NBPF20: variants seen among roughly 807,000 people sequenced by gnomAD.
The protein encoded by NBPF20 is NBPF member 20, also known as NBPF family member NBPF20.
In NBPF20, 90 loss-of-function variants were observed where a neutral mutation model predicts 68.1. The observed-to-expected ratio is 1.32, with a 90% CI of 1.11 to 1.58. The LOEUF (loss-of-function observed/expected upper bound fraction) is 1.58, where lower values mean the gene tolerates loss of function less well. NBPF20 is among the 40% of genes most tolerant of loss of function. The pLI, the probability that NBPF20 is intolerant of heterozygous loss-of-function variation, is 0.00. For missense variants in NBPF20, 816 were observed against 601.2 expected (o/e 1.36, Z -3.74); for synonymous variants, 290 against 228.1 (o/e 1.27, Z -2.45).
intron 9 of NBPF20, chr1:145,393,612 T>C: frequency 1.4e-6 from 1 of 711,146 alleles, no homozygotes. Flanking sequence ...TCAATAATTT[T>C]GCATAAAATG....
upstream of NBPF20, among the ~76,000 whole-genome samples, chr1:145,407,487 CAT>C (rs1345347722): frequency 6.9e-6 from 1 of 144,128 alleles, no homozygotes; most frequent in African/African-American, 2.6e-5. Flanking sequence ...TATACAAACA[CAT>C]GAATATATAT....
At chr1:145,291,523 T>A in exon 138 of NBPF20, 3 of 1,612,034 alleles carry the variant, frequency 1.9e-6, no homozygotes, top group Non-Finnish European at 2.5e-6. Context: ...TAGTAAGGGC[T>A]GTTTATTGTG....
chr1:145,352,278 G>A (rs1661655008), intron 61 of NBPF20, among the ~76,000 whole-genome samples, 189 bp from the exon 67 acceptor site: 1 of 81,970 alleles, frequency 1.2e-5, no homozygotes, highest in African/African-American at 4.7e-5. Context: ...GAAAGAGAAA[G>A]ACAGATAGAC....
chr1:145,402,386 G>A lies in NBPF20; in HGVS notation c.279-5C>T. The A allele has an allele frequency of 1.9e-6, 3 of 1,602,646 alleles. No individual in the cohort carries two copies. The South Asian group carries it at 3.3e-5, about 18-fold the overall frequency. ...TGAACCAGGACTTTATATTGCCTAAGGTGAGACGGTAGAGAAAATTTAAGA... is the reference window on the plus strand; with the variant it reads ...TGAACCAGGACTTTATATTGCCTAAAGTGAGACGGTAGAGAAAATTTAAGA... On this transcript the variant is annotated splice_region_variant and splice_polypyrimidine_tract_variant and intron_variant, in intron 3 of 137. Coordinates refer to ENST00000369373, the Ensembl canonical transcript of NBPF20.
the NBPF20 span, among the ~76,000 whole-genome samples, chr1:145,411,108 A>G: frequency 6.8e-6 from 1 of 146,032 alleles, no homozygotes; most frequent in Non-Finnish European, 1.5e-5. Context: ...TTCTTTTATA[A>G]TATTGCTATT....
At chr1:145,417,791 C>T in the NBPF20 span, among the ~76,000 whole-genome samples, 8 of 142,572 alleles carry the variant, frequency 5.6e-5, no homozygotes, top group African/African-American at 7.8e-5. Context: ...AAACACAAAA[C>T]GGTGAACACA....
At chr1:145,291,924 G>C (rs1333648876) in intron 137 of NBPF20, among the ~76,000 whole-genome samples, 155 bp from the exon 143 acceptor site, 2 of 151,788 alleles carry the variant, frequency 1.3e-5, no homozygotes, top group African/African-American at 2.4e-5. Context: ...TATATGTTGG[G>C]ATAGAACAGG....
the NBPF20 span, among the ~76,000 whole-genome samples, chr1:145,425,200 C>G: frequency 6.6e-6 from 1 of 152,182 alleles, no homozygotes; most frequent in Non-Finnish European, 1.5e-5. Flanking sequence ...AACTTAAGCC[C>G]CGGCGGGGCC....
In NBPF20 at chr1:145,290,285, G is replaced by C. The variant is rs1287648269; in HGVS notation, c.*1241C>G. The C allele has an allele frequency of 4.7e-5, 7 of 149,038 alleles. 1 individual carries two copies. The highest frequency in any genetic ancestry group is 1.6e-4 in the African/African-American group (6 of 38,502). 9.2% of individuals were successfully genotyped at this position (149,038 alleles called of 1,614,324 possible). On this transcript the variant is annotated 3_prime_UTR_variant, in exon 138 of 138. Coordinates refer to ENST00000369373, the Ensembl canonical transcript of NBPF20. Reference sequence around the variant, plus strand: ...TTTCCCAAGTACTTCTTCATTATAAGTAAGGTGTCTCTAAAAGGGACAGAT... The same window carrying C: ...TTTCCCAAGTACTTCTTCATTATAACTAAGGTGTCTCTAAAAGGGACAGAT...
exon 138 of NBPF20, chr1:145,291,734 T>G (rs782282072): frequency 6.2e-7 from 1 of 1,611,956 alleles, no homozygotes; most frequent in Non-Finnish European, 8.5e-7. Context: ...CTGTAAGACT[T>G]CAGGCTCTTC....
At chr1:145,393,645 C>A in intron 9 of NBPF20, 1 of 1,048,974 alleles carries the variant, frequency 9.5e-7, no homozygotes, top group Admixed American at 2.6e-5. Context: ...CCTGCAGTTA[C>A]CATGAGAATA....
exon 137 of NBPF20, chr1:145,292,452 TCCC>T (rs1661187886): frequency 1.4e-6 from 1 of 717,454 alleles, no homozygotes; most frequent in Non-Finnish European, 2.5e-6. Context: ...TTGATCTTCT[TCCC>T]CTTCTTTTCT....
exon 2 of NBPF20, chr1:145,405,193 T>C: frequency 6.2e-7 from 1 of 1,612,772 alleles, no homozygotes; most frequent in Non-Finnish European, 8.5e-7. Flanking sequence ...CTCTGCCAAC[T>C]GGGGGCGCAA....
chr1:145,402,260 C>A (rs1331091705), exon 4 of NBPF20: 4 of 1,609,844 alleles, frequency 2.5e-6, no homozygotes, highest in East Asian at 2.2e-5. Flanking sequence ...TCCGGCTCAT[C>A]CGGAGTAAGG....
chr1:145,417,426 C>G, the NBPF20 span, among the ~76,000 whole-genome samples: 1 of 134,146 alleles, frequency 7.5e-6, no homozygotes, highest in Non-Finnish European at 1.5e-5. Flanking sequence ...GATACAAAAC[C>G]AAAAGCACAA....
At chr1:145,407,541 C>T (rs1452141652), upstream of NBPF20, among the ~76,000 whole-genome samples, 5 of 144,486 alleles carry the variant, frequency 3.5e-5, no homozygotes, top group Non-Finnish European at 4.5e-5. Context: ...ATATATAATA[C>T]GTGTATATAC....
chr1:145,393,975 T>C (rs1180431207), intron 8 of NBPF20, 40 bp from the exon 14 acceptor site: 2 of 1,054,374 alleles, frequency 1.9e-6, no homozygotes, highest in African/African-American at 3.1e-5. Context: ...CATTAAGCAG[T>C]TCTTCCTTGC....
chr1:145,400,263 T>C, intron 6 of NBPF20, 126 bp downstream of exon 11: 3 of 1,586,304 alleles, frequency 1.9e-6, no homozygotes, highest in Non-Finnish European at 2.6e-6. Context: ...AAAAAGTCCC[T>C]GATATCTGTT....
chr1:145,400,972 C>A, intron 5 of NBPF20, 87 bp downstream of exon 10: 3 of 1,529,700 alleles, frequency 2.0e-6, no homozygotes, highest in Non-Finnish European at 2.7e-6. Flanking sequence ...GGGTTTTTGG[C>A]CGATCATAGA....
Sources: gnomAD v4.1 joint callset for allele counts (sites outside exome capture counted in the v4.1 genomes callset) on GRCh38, gnomAD v4.1.1 for gene constraint, MANE v1.5 for transcripts, NCBI Gene and HGNC (gene_info 2026-07-23, HGNC 2026-07-21) for gene names.